The following SRGAP1 variants were observed in gnomAD, a reference collection of about 807,000 sequenced individuals.
SRGAP1 encodes SLIT-ROBO Rho GTPase-activating protein 1.
SRGAP1 carries 43 observed loss-of-function variants against 121.9 expected under a neutral mutation model. That is an observed-to-expected ratio of 0.35 (90% CI 0.28 to 0.46). SRGAP1 has a LOEUF of 0.46. SRGAP1 is among the 20% of genes least tolerant of loss of function. The pLI is 1.00. For missense variants in SRGAP1, 1,102 were observed against 1,350.9 expected, an observed-to-expected ratio of 0.82 and a Z score of 2.89; for synonymous variants, 447 against 485.4, an observed-to-expected ratio of 0.92 and a Z score of 1.04.
chr12:64,065,058 C>A, intron 7 of SRGAP1, 60 bp from the exon 8 acceptor site: 1 of 1,232,254 alleles, frequency 8.1e-7, no homozygotes, highest in Non-Finnish European at 1.2e-6. Flanking sequence ...ATAACAGAGC[C>A]GTGCTTCTGG....
intron 6 of SRGAP1, among the ~76,000 whole-genome samples, chr12:64,062,280 G>A (rs572129856): frequency 1.3e-4 from 20 of 152,258 alleles, no homozygotes; most frequent in Admixed American, 1.2e-3. Flanking sequence ...ATTATCATTA[G>A]TATTTCCCAG....
At chr12:64,000,241 T>G (rs185669257) in intron 3 of SRGAP1, among the ~76,000 whole-genome samples, 39 of 127,196 alleles carry the variant, frequency 3.1e-4, no homozygotes, top group South Asian at 1.5e-3. Context: ...AAGGTAGGGG[T>G]GTGTGTGTGT....
In SRGAP1 at chr12:63,977,807, T is replaced by TAA. The variant is rs551054840; in HGVS notation, c.68-6132_68-6131dup. 5.3e-3 allele frequency among the ~76,000 whole-genome samples: 796 copies of TAA among 151,476 alleles called. 5 individuals carry two copies. The highest frequency in any genetic ancestry group is 0.018 in the African/African-American group (728 of 41,312). On this transcript the variant is annotated intron_variant, in intron 1 of 21. Coordinates refer to ENST00000355086, the MANE Select transcript of SRGAP1 (RefSeq NM_020762.4). Reference sequence around the variant, plus strand: ...GAACAGAAATGAAATAATAGTCATTTAAAAAAAAACAGTAAATTTTAGCCT... The same window carrying TAA: ...GAACAGAAATGAAATAATAGTCATTTAAAAAAAAAAACAGTAAATTTTAGCCT...
chr12:64,091,216 A>G (rs1293689350), intron 11 of SRGAP1, 60 bp from the exon 12 acceptor site: 3 of 1,247,898 alleles, frequency 2.4e-6, no homozygotes, highest in Non-Finnish European at 2.2e-6. Flanking sequence ...TGTGACCTAT[A>G]GATGTTTCAT....
At chr12:63,967,978 A>G (rs535064724) in intron 1 of SRGAP1, among the ~76,000 whole-genome samples, 1 of 152,350 alleles carries the variant, frequency 6.6e-6, no homozygotes, top group South Asian at 2.1e-4. Context: ...AGTATTTTCA[A>G]TGCTAGGAAA....
At chr12:63,898,837 G>A (rs966870918) in intron 1 of SRGAP1, among the ~76,000 whole-genome samples, 1 of 152,114 alleles carries the variant, frequency 6.6e-6, no homozygotes, top group African/African-American at 2.4e-5. Context: ...TTGGTAAAAG[G>A]AATGCTAAGG....
At chr12:64,059,730 G>A (rs991176034) in intron 6 of SRGAP1, among the ~76,000 whole-genome samples, 4 of 152,112 alleles carry the variant, frequency 2.6e-5, no homozygotes, top group African/African-American at 9.7e-5. Flanking sequence ...AACCATTATA[G>A]ATTTTGAAAA....
intron 4 of SRGAP1, among the ~76,000 whole-genome samples, chr12:64,018,116 G>C (rs2034453182): frequency 6.6e-6 from 1 of 152,110 alleles, no homozygotes; most frequent in Non-Finnish European, 1.5e-5. Flanking sequence ...TTTTTGAGGA[G>C]TCTTACTCTG....
In SRGAP1 at chr12:64,151,027, G is replaced by GTGT. The variant is rs1255267845; in HGVS notation, c.*8357_*8359dup. ...GTCTGTAAGCCCAAAGATTGTTACT[G>GTGT]TGTTAGTAACTAAATATTACGAGAT... On this transcript the variant is annotated 3_prime_UTR_variant, in exon 22 of 22. Transcript: ENST00000355086. 6.9e-6 allele frequency: 1 copy of GTGT among 145,504 alleles called. No individual in the cohort carries two copies. Among genetic ancestry groups the GTGT allele is most frequent in the Non-Finnish European group, 1.5e-5 (1 of 66,780 alleles). 9.0% of individuals were successfully genotyped at this position (145,504 alleles called of 1,614,324 possible). A position where few individuals can be genotyped will look rare whatever the true frequency, so the allele number is the denominator to read the frequency against.
chr12:63,902,315 A>G (rs1306930160), intron 1 of SRGAP1, among the ~76,000 whole-genome samples: 5 of 152,228 alleles, frequency 3.3e-5, no homozygotes, highest in Admixed American at 2.0e-4. Flanking sequence ...TGTTCTAGAC[A>G]CTATTCCAAG....
chr12:64,013,202 A>G (rs2034301384), intron 3 of SRGAP1, among the ~76,000 whole-genome samples: 1 of 152,328 alleles, frequency 6.6e-6, no homozygotes, highest in South Asian at 2.1e-4. Flanking sequence ...TGAAAAAACA[A>G]TTGTTTCTCA....
intron 8 of SRGAP1, among the ~76,000 whole-genome samples, chr12:64,070,935 T>C (rs752848025): frequency 6.6e-6 from 1 of 152,162 alleles, no homozygotes; most frequent in Non-Finnish European, 1.5e-5. Flanking sequence ...TGAGACTTGA[T>C]ATAAGATGTG....
At chr12:64,073,577 C>A (rs2035680622) in intron 8 of SRGAP1, among the ~76,000 whole-genome samples, 1 of 152,140 alleles carries the variant, frequency 6.6e-6, no homozygotes, top group South Asian at 2.1e-4. Flanking sequence ...CTGCACATAA[C>A]CTACACACAT....
chr12:64,050,839 A>T (rs1266267558), intron 6 of SRGAP1, among the ~76,000 whole-genome samples: 2 of 152,162 alleles, frequency 1.3e-5, no homozygotes, highest in African/African-American at 4.8e-5. Flanking sequence ...GTTCTGCCTC[A>T]TCCTCCCAAG....
chr12:64,101,210 A>G (rs1044653516), intron 15 of SRGAP1, among the ~76,000 whole-genome samples: 2 of 152,150 alleles, frequency 1.3e-5, no homozygotes, highest in Non-Finnish European at 2.9e-5. Context: ...TATTTTGTAT[A>G]GAAAAACTTC....
intron 1 of SRGAP1, among the ~76,000 whole-genome samples, chr12:63,855,509 G>T: frequency 9.8e-6 from 1 of 101,814 alleles, no homozygotes; most frequent in East Asian, 3.0e-4. Context: ...TTTTTTTGAG[G>T]GAGAGTCTCA....
chr12:64,025,716 C>T (rs1400914782), intron 4 of SRGAP1, among the ~76,000 whole-genome samples: 1 of 152,152 alleles, frequency 6.6e-6, no homozygotes, highest in Admixed American at 6.5e-5. Context: ...TCCGTACCTC[C>T]TTACCCTGGC....
chr12:63,878,129 G>A (rs1209526829), intron 1 of SRGAP1, among the ~76,000 whole-genome samples: 2 of 152,186 alleles, frequency 1.3e-5, no homozygotes, highest in Non-Finnish European at 2.9e-5. Flanking sequence ...TCAGATTCTT[G>A]ATCCTAATGC....
intron 2 of SRGAP1, 116 bp from the exon 3 acceptor site, chr12:63,989,794 G>A (rs2033505926): frequency 1.4e-6 from 1 of 721,360 alleles, no homozygotes; most frequent in East Asian, 2.7e-5. Flanking sequence ...GCTCAGAGCA[G>A]GATGCACAGC....
Sources: allele counts gnomAD v4.1 joint callset (sites outside exome capture counted in the v4.1 genomes callset), GRCh38; gene constraint gnomAD v4.1.1; transcripts MANE v1.5; gene names NCBI Gene and HGNC (gene_info 2026-07-23, HGNC 2026-07-21).